Variants in SLC2A14 observed in about 807,000 individuals in gnomAD.
The protein encoded by SLC2A14 is solute carrier family 2 member 14, also known as solute carrier family 2, facilitated glucose transporter member 14.
In SLC2A14, 13 loss-of-function variants were observed where a neutral mutation model predicts 43.0. The ratio of observed to expected loss-of-function variants is 0.30; its 90% CI spans 0.20 to 0.48. The LOEUF is 0.48. SLC2A14 is among the 20% of genes least tolerant of loss of function. SLC2A14 has a pLI of 0.99. For synonymous variants in SLC2A14, 190 were observed against 233.8 expected, an observed-to-expected ratio of 0.81 and a Z score of 1.71; for missense variants, 428 against 620.4, an observed-to-expected ratio of 0.69 and a Z score of 3.29.
At chr12:7,832,260 C>T (rs1865105238) in intron 3 of SLC2A14, among the ~76,000 whole-genome samples, 1 of 152,064 alleles carries the variant, frequency 6.6e-6, no homozygotes, top group South Asian at 2.1e-4. Context: ...CCTGAATATC[C>T]CAGTAGGTGG....
intron 1 of SLC2A14, among the ~76,000 whole-genome samples, chr12:7,882,663 C>T (rs777767758): frequency 5.9e-5 from 9 of 152,100 alleles, no homozygotes; most frequent in Admixed American, 1.3e-4. Flanking sequence ...ATGGCTAAAC[C>T]TCATCTCTAC....
chr12:7,849,890 G>A (rs1220137929), intron 2 of SLC2A14, among the ~76,000 whole-genome samples: 1 of 148,170 alleles, frequency 6.7e-6, no homozygotes, highest in Non-Finnish European at 1.5e-5. Context: ...GGGTGACAGA[G>A]CGAGACTCCA....
chr12:7,816,471 TCA>T (rs1484797733), intron 10 of SLC2A14, among the ~76,000 whole-genome samples: 32 of 149,514 alleles, frequency 2.1e-4, no homozygotes, highest in Middle Eastern at 3.6e-3. Flanking sequence ...ACTCCTGACC[TCA>T]TGATCCTCCC....
intron 5 of SLC2A14, 52 bp from the exon 6 acceptor site, chr12:7,828,918 A>G (rs779239308): frequency 2.5e-6 from 4 of 1,579,752 alleles, no homozygotes; most frequent in Non-Finnish European, 3.4e-6. Flanking sequence ...ACAGGCCACA[A>G]GTTCATTGAA....
At chr12:7,829,664 T>C in intron 5 of SLC2A14, 102 bp downstream of exon 5, 1 of 1,485,368 alleles carries the variant, frequency 6.7e-7, no homozygotes, top group South Asian at 1.3e-5. Flanking sequence ...CTTCCATATG[T>C]AATTGAACAT....
At chr12:7,887,967 C>T (rs767788783) in intron 1 of SLC2A14, among the ~76,000 whole-genome samples, 2 of 152,172 alleles carry the variant, frequency 1.3e-5, no homozygotes, top group South Asian at 4.1e-4. Flanking sequence ...TTCCTCTGGC[C>T]CTGTACTTTA....
chr12:7,884,493 T>C (rs972682536), intron 1 of SLC2A14, among the ~76,000 whole-genome samples: 7 of 152,252 alleles, frequency 4.6e-5, no homozygotes, highest in African/African-American at 1.2e-4. Flanking sequence ...GAACAATCAA[T>C]TGGGATAACT....
chr12:7,818,495 T>C (rs2120668343), intron 9 of SLC2A14, among the ~76,000 whole-genome samples: 1 of 152,160 alleles, frequency 6.6e-6, no homozygotes, highest in African/African-American at 2.4e-5. Flanking sequence ...ACCCTGTCTC[T>C]ACTAAAAAAC....
chr12:7,882,609 C>T (rs112792928), intron 1 of SLC2A14, among the ~76,000 whole-genome samples: 4,995 of 152,122 alleles, frequency 0.033, 217 homozygotes, highest in African/African-American at 0.1. Context: ...GAGGCAGGCA[C>T]GTGGATCACT....
intron 7 of SLC2A14, among the ~76,000 whole-genome samples, chr12:7,826,416 C>G (rs1864360131): frequency 6.6e-6 from 1 of 152,030 alleles, no homozygotes; most frequent in African/African-American, 2.4e-5. Context: ...ACTTCAAATA[C>G]AAATATCTGG....
intron 1 of SLC2A14, chr12:7,871,401 G>A (rs537420864): frequency 6.0e-4 from 166 of 277,944 alleles, no homozygotes; most frequent in Non-Finnish European, 9.3e-4. Context: ...GCGACACCCT[G>A]GCCCCCCCGC....
chr12:7,823,716 G>A lies in SLC2A14; in HGVS notation c.865-2391C>T, dbSNP rs1217047005. Among the ~76,000 whole-genome samples the A allele has an allele frequency of 5.1e-5, 5 of 97,648 alleles. No homozygotes were observed. The East Asian group carries it at 9.7e-4, about 19-fold the overall frequency. 64.1% of individuals were successfully genotyped at this position (97,648 alleles called of 152,430 possible). A position where few individuals can be genotyped will look rare whatever the true frequency, so the allele number is the denominator to read the frequency against. On this transcript the variant is annotated intron_variant, in intron 7 of 10. Transcript: ENST00000431042. ...GCCTGGGCAATAAGAGCGAAACTCCGTCTCAAAAAAAAAGAAAAGAAATAT... is the reference window on the plus strand; with the variant it reads ...GCCTGGGCAATAAGAGCGAAACTCCATCTCAAAAAAAAAGAAAAGAAATAT...
rs760821585 is a variant in SLC2A14 at position 7,821,318 on chromosome 12, T to C, written c.872A>G (p.Tyr291Cys). 8 of 1,613,002 alleles carry C rather than the reference T, an allele frequency of 5.0e-6. No individual in the cohort carries two copies. Among genetic ancestry groups the C allele is most frequent in the East Asian group, 2.2e-5 (1 of 44,866 alleles). Residue 291 changes from tyrosine (Y) to cysteine (C), a missense_variant, in exon 8 of 11, where the codon TAT (tyrosine) becomes TGT (cysteine). By Grantham distance (194) the Tyr-to-Cys change is radical (BLOSUM62 -2). Coordinates refer to ENST00000431042, the MANE Select transcript of SLC2A14 (RefSeq NM_001286234.2). The part of the protein sequence containing the change: ...QQLSGINAVF[Y>C]YSTGIFKDAG... ...ATCCTTGAAGATTCCTGTTGAGTAA[T>C]AGAACACCTAGGAGAAAAGAAAACA... is the stretch of plus-strand genomic sequence containing the variant.
At chr12:7,866,915 G>A (rs1401446400) in intron 2 of SLC2A14, among the ~76,000 whole-genome samples, 2 of 151,666 alleles carry the variant, frequency 1.3e-5, no homozygotes, top group Non-Finnish European at 2.9e-5. Context: ...GCCTTACATT[G>A]GAGGAAGATG....
chr12:7,885,412 C>G (rs1172087099), intron 1 of SLC2A14, among the ~76,000 whole-genome samples: 2 of 152,042 alleles, frequency 1.3e-5, no homozygotes, highest in African/African-American at 4.8e-5. Context: ...TTGCAGTGAG[C>G]CGAGATAATG....
chr12:7,880,689 T>C (rs1360120887), intron 1 of SLC2A14, among the ~76,000 whole-genome samples: 2 of 14,368 alleles, frequency 1.4e-4, no homozygotes, highest in South Asian at 3.5e-3. Flanking sequence ...TAGCTGGGTC[T>C]CAAAAAAAAA....
intron 2 of SLC2A14, among the ~76,000 whole-genome samples, chr12:7,868,229 G>A (rs1181163475): frequency 6.6e-6 from 1 of 152,182 alleles, no homozygotes; most frequent in East Asian, 1.9e-4. Context: ...ACATGCTGAA[G>A]GCTCAGATGA....
intron 2 of SLC2A14, among the ~76,000 whole-genome samples, chr12:7,851,344 C>A (rs750436490): frequency 2.0e-5 from 3 of 152,190 alleles, no homozygotes; most frequent in African/African-American, 7.2e-5. Context: ...GTCATCACCC[C>A]GGAAGAAAGG....
At chr12:7,877,148 G>T (rs183306102), upstream of SLC2A14, among the ~76,000 whole-genome samples, 1 of 151,636 alleles carries the variant, frequency 6.6e-6, no homozygotes, top group Non-Finnish European at 1.5e-5. Context: ...GATTACAGGC[G>T]CATGCCACTC....
Sources: allele counts gnomAD v4.1 joint callset (sites outside exome capture counted in the v4.1 genomes callset), GRCh38; gene constraint gnomAD v4.1.1; transcripts MANE v1.5; gene names NCBI Gene and HGNC (gene_info 2026-07-23, HGNC 2026-07-21).